The following PPP2R2B variants were observed in gnomAD, a reference collection of about 807,000 sequenced individuals.
PPP2R2B encodes the protein serine/threonine-protein phosphatase 2A 55 kDa regulatory subunit B beta isoform.
A neutral mutation model predicts 46.0 loss-of-function variants in PPP2R2B; 5 were observed. That is an observed-to-expected ratio of 0.11 (90% CI 0.06 to 0.23). PPP2R2B has a LOEUF of 0.23. Among genes scored for constraint, PPP2R2B ranks in the 10% least tolerant of loss-of-function variants. The probability of loss-of-function intolerance (pLI) is 1.00; values close to 1 mark genes in which losing one functional copy is unlikely to be tolerated. For synonymous variants in PPP2R2B, 215 were observed against 206.7 expected (o/e 1.04, Z -0.34); for missense variants, 367 against 575.0 (o/e 0.64, Z 3.70).
rs151222231 is a variant in PPP2R2B, at chr5:146,869,726, T to C, written c.70+8276A>G. Among the ~76,000 whole-genome samples the C allele has an allele frequency of 2.4e-3, 367 of 152,318 alleles. 2 individuals are homozygous for C. The highest frequency in any genetic ancestry group is 8.4e-3 in the African/African-American group (350 of 41,558). Reference sequence around the variant, plus strand: ...TCATGCTTTATTTACTTATCATGCTTGAATCCTTTTAAGTAAGAAAGAATA... The same window carrying C: ...TCATGCTTTATTTACTTATCATGCTCGAATCCTTTTAAGTAAGAAAGAATA... On this transcript the variant is annotated intron_variant, in intron 2 of 9. Transcript: ENST00000394411.
intron 5 of PPP2R2B, among the ~76,000 whole-genome samples, chr5:146,672,746 T>A (rs1777450426): frequency 6.6e-6 from 1 of 152,228 alleles, no homozygotes; most frequent in South Asian, 2.1e-4. Flanking sequence ...TGAGTATTCA[T>A]TTAACACTTT....
intron 2 of PPP2R2B, among the ~76,000 whole-genome samples, chr5:146,802,942 C>G (rs1756953873): frequency 1.3e-5 from 2 of 152,138 alleles, no homozygotes; most frequent in South Asian, 4.2e-4. Context: ...AATTTTACTC[C>G]TGTCCTCACT....
intron 2 of PPP2R2B, among the ~76,000 whole-genome samples, chr5:146,766,800 T>A (rs992897103): frequency 6.6e-6 from 1 of 151,980 alleles, no homozygotes; most frequent in Admixed American, 6.6e-5. Flanking sequence ...ATGTCTGTAA[T>A]CCTAGCACTT....
At chr5:146,975,397 A>G (rs570750410) in intron 1 of PPP2R2B, among the ~76,000 whole-genome samples, 2 of 152,264 alleles carry the variant, frequency 1.3e-5, no homozygotes, top group East Asian at 3.9e-4. Flanking sequence ...TTGTTTATCT[A>G]TTCATCAGTC....
chr5:146,805,217 G>C (rs1757104316), intron 2 of PPP2R2B, among the ~76,000 whole-genome samples: 1 of 152,078 alleles, frequency 6.6e-6, no homozygotes, highest in African/African-American at 2.4e-5. Flanking sequence ...GAAACCATTT[G>C]GGGACCCTGA....
At chr5:146,818,683 C>G (rs1758079008) in intron 2 of PPP2R2B, among the ~76,000 whole-genome samples, 1 of 152,108 alleles carries the variant, frequency 6.6e-6, no homozygotes, top group African/African-American at 2.4e-5. Flanking sequence ...GATGAGAAAT[C>G]TGAGACCCAG....
chr5:146,829,249 C>T (rs1758771135), intron 2 of PPP2R2B, among the ~76,000 whole-genome samples: 1 of 152,002 alleles, frequency 6.6e-6, no homozygotes, highest in South Asian at 2.1e-4. Flanking sequence ...TAATATCCTG[C>T]TAAGTAAATA....
At chr5:146,717,105 T>C (rs1230685125) in intron 2 of PPP2R2B, among the ~76,000 whole-genome samples, 2 of 152,224 alleles carry the variant, frequency 1.3e-5, no homozygotes, top group African/African-American at 2.4e-5. Flanking sequence ...AAGTCACACA[T>C]GTTCCATTTT....
At chr5:146,914,438 T>C (rs1015317876) in intron 1 of PPP2R2B, 1 of 152,194 alleles carries the variant, frequency 6.6e-6, no homozygotes, top group Non-Finnish European at 1.5e-5. Flanking sequence ...TTACAACCTA[T>C]GTAAAGATCA....
At chr5:146,667,307 A>C (rs890209908) in intron 5 of PPP2R2B, among the ~76,000 whole-genome samples, 1 of 148,376 alleles carries the variant, frequency 6.7e-6, no homozygotes, top group South Asian at 2.2e-4. Flanking sequence ...TTCCAAGGAG[A>C]GACAGCAGGA....
chr5:147,021,813 C>G (rs1712988805), intron 1 of PPP2R2B, among the ~76,000 whole-genome samples: 1 of 151,752 alleles, frequency 6.6e-6, no homozygotes, highest in African/African-American at 2.4e-5. Context: ...TCTAGATATG[C>G]AAAGAAGCTA....
chr5:146,734,517 G>T (rs1221274633), intron 2 of PPP2R2B, among the ~76,000 whole-genome samples: 1 of 152,148 alleles, frequency 6.6e-6, no homozygotes, highest in African/African-American at 2.4e-5. Flanking sequence ...TCAAGAACTA[G>T]AATTCACTTC....
At chr5:146,703,925 C>G (rs1256565939) in intron 2 of PPP2R2B, among the ~76,000 whole-genome samples, 4 of 152,226 alleles carry the variant, frequency 2.6e-5, no homozygotes, top group Non-Finnish European at 4.4e-5. Flanking sequence ...CCTTAGCCCT[C>G]TTGCAGAGTC....
In PPP2R2B at chr5:146,581,520, A is replaced by G. The variant is rs1295450991; in HGVS notation, c.*8427T>C. The stretch of plus-strand genomic sequence containing the variant: ...GAGGACACAGATCCAAATCATGTCA[A>G]TATATAATTAACCTTTCTGCCTTTT... On this transcript the variant is annotated 3_prime_UTR_variant, in exon 10 of 10. Transcript: ENST00000394411. 1 of 152,212 alleles carries G rather than the reference A, an allele frequency of 6.6e-6. No homozygotes were observed. Among genetic ancestry groups the G allele is most frequent in the African/African-American group, 2.4e-5 (1 of 41,448 alleles). 9.4% of individuals were successfully genotyped at this position (152,212 alleles called of 1,614,324 possible).
Position 146,930,586 on chromosome 5 carries a change from G to C in PPP2R2B, c.79+125079C>G, listed in dbSNP as rs1009011653. Among the ~76,000 whole-genome samples, 16 of 152,234 alleles carry C rather than the reference G, an allele frequency of 1.1e-4. No individual in the cohort carries two copies. The East Asian group carries it at 2.9e-3, about 28-fold the overall frequency. On this transcript the variant is annotated intron_variant, in intron 1 of 8. Coordinates refer to the PPP2R2B transcript ENST00000336640. ...TAGCCTGTTTTGAACAGGCTTCCCAGGTTAAGGTGGTAATCTTTTCTCTCC... is the reference window on the plus strand; with the variant it reads ...TAGCCTGTTTTGAACAGGCTTCCCACGTTAAGGTGGTAATCTTTTCTCTCC...
intron 6 of PPP2R2B, among the ~76,000 whole-genome samples, chr5:146,650,293 A>G (rs78690977): frequency 0.066 from 10,024 of 152,298 alleles, 383 homozygotes; most frequent in Middle Eastern, 0.092. Context: ...GTGACATATA[A>G]ATGCCTCTGT....
intron 2 of PPP2R2B, chr5:146,707,638 G>A (rs777522687): frequency 2.1e-4 from 125 of 593,374 alleles, no homozygotes; most frequent in African/African-American, 1.8e-4. Flanking sequence ...TGAACCAGGC[G>A]GAGATTCCAG....
chr5:146,592,916 T>C (rs930974355), intron 9 of PPP2R2B, 55 bp downstream of exon 9: 2 of 1,522,072 alleles, frequency 1.3e-6, no homozygotes, highest in East Asian at 2.3e-5. Flanking sequence ...ATAAATTCCC[T>C]GAGCCTCTTC....
intron 6 of PPP2R2B, among the ~76,000 whole-genome samples, chr5:146,647,752 A>T (rs564045994): frequency 2.6e-5 from 4 of 152,200 alleles, no homozygotes; most frequent in Admixed American, 2.0e-4. Context: ...AGAAGCTCAG[A>T]GTGACAGCCA....
Sources: allele counts gnomAD v4.1 joint callset (sites outside exome capture counted in the v4.1 genomes callset), GRCh38; gene constraint gnomAD v4.1.1; transcripts MANE v1.5; gene names NCBI Gene and HGNC (gene_info 2026-07-23, HGNC 2026-07-21).